LIN7A: variants seen among roughly 807,000 people sequenced by gnomAD.
LIN7A encodes the protein lin-7 cell polarity scaffold A, also known as protein lin-7 homolog A.
LIN7A carries 25 observed loss-of-function variants against 29.8 expected under a neutral mutation model. That is an observed-to-expected ratio of 0.84 (90% CI 0.61 to 1.17). LIN7A has a LOEUF of 1.17. Among genes scored for constraint, LIN7A ranks in the 50% most tolerant of loss-of-function variants. The probability of loss-of-function intolerance (pLI) is 0.00; values close to 1 mark genes in which losing one functional copy is unlikely to be tolerated. For missense variants in LIN7A, 239 were observed against 287.0 expected (o/e 0.83, Z 1.21); for synonymous variants, 118 against 107.5 (o/e 1.10, Z -0.60).
chr12:80,912,129 A>G (rs1876780437), intron 1 of LIN7A, among the ~76,000 whole-genome samples: 1 of 152,222 alleles, frequency 6.6e-6, no homozygotes, highest in African/African-American at 2.4e-5. Context: ...GGAAATTAGT[A>G]TGCTGGTTTA....
chr12:80,892,299 C>T (rs538891875), intron 1 of LIN7A, among the ~76,000 whole-genome samples: 1 of 152,218 alleles, frequency 6.6e-6, no homozygotes, highest in African/African-American at 2.4e-5. Context: ...AATGCATATT[C>T]GTTGAATGAA....
chr12:80,925,337 C>A (rs1350700506), intron 1 of LIN7A, among the ~76,000 whole-genome samples: 1 of 152,144 alleles, frequency 6.6e-6, no homozygotes, highest in African/African-American at 2.4e-5. Context: ...TTTATTTGAA[C>A]ATCCAGGTAT....
At chr12:80,893,733 T>C (rs1214340149) in intron 1 of LIN7A, among the ~76,000 whole-genome samples, 2 of 152,168 alleles carry the variant, frequency 1.3e-5, no homozygotes, top group East Asian at 3.8e-4. Flanking sequence ...CCTCGTGGCA[T>C]AGGCAATGAA....
At chr12:80,885,805 A>G (rs994728439) in intron 2 of LIN7A, among the ~76,000 whole-genome samples, 2 of 152,128 alleles carry the variant, frequency 1.3e-5, no homozygotes, top group East Asian at 1.9e-4. Context: ...TTATCAAACT[A>G]TTCTCTTCAT....
At chr12:80,836,577 T>C (rs1182371684) in intron 4 of LIN7A, among the ~76,000 whole-genome samples, 4 of 141,490 alleles carry the variant, frequency 2.8e-5, no homozygotes, top group Non-Finnish European at 6.6e-5. Context: ...GATTGCTTAG[T>C]CTGGGAGGCA....
intron 2 of LIN7A, among the ~76,000 whole-genome samples, chr12:80,859,790 G>T (rs1592902383): frequency 6.6e-6 from 1 of 152,144 alleles, no homozygotes; most frequent in East Asian, 1.9e-4. Flanking sequence ...ATATAAGCAA[G>T]AAATTAAAAT....
At chr12:80,802,641 T>A (rs1870775855) in intron 5 of LIN7A, among the ~76,000 whole-genome samples, 1 of 152,092 alleles carries the variant, frequency 6.6e-6, no homozygotes, top group African/African-American at 2.4e-5. Context: ...GTTATCTTTT[T>A]TCTTTTTTAA....
rs1870408550 is a variant in LIN7A, at chr12:80,795,619, A to AGC, written c.*2107_*2108insGC. The AGC allele has an allele frequency of 6.6e-6, 1 of 152,094 alleles. No individual in the cohort carries two copies. The highest frequency in any genetic ancestry group is 2.1e-4 in the South Asian group (1 of 4,830). The allele number at this position is 152,094 out of a possible 1,614,324, so 9.4% of individuals were successfully genotyped here. ...CATACTCACTCACCTTAAGCTCCAA[A>AGC]TTTATACAATGTATTGAAATGTGTT... On this transcript the variant is annotated 3_prime_UTR_variant, in exon 6 of 6. Coordinates refer to ENST00000552864, the MANE Select transcript of LIN7A (RefSeq NM_004664.4).
chr12:80,822,897 C>T (rs1273900491), intron 4 of LIN7A, among the ~76,000 whole-genome samples: 1 of 152,154 alleles, frequency 6.6e-6, no homozygotes, highest in Non-Finnish European at 1.5e-5. Context: ...GCCTGAAGCC[C>T]AGGGGCTGGG....
intron 1 of LIN7A, among the ~76,000 whole-genome samples, chr12:80,904,481 G>A (rs1346976048): frequency 6.6e-6 from 1 of 152,048 alleles, no homozygotes; most frequent in Non-Finnish European, 1.5e-5. Context: ...TACCATGATA[G>A]TCCCTGTTAC....
At chr12:80,880,389 C>G (rs1337117550) in intron 2 of LIN7A, among the ~76,000 whole-genome samples, 2 of 152,148 alleles carry the variant, frequency 1.3e-5, no homozygotes, top group Non-Finnish European at 2.9e-5. Context: ...CAAGTTCAGC[C>G]AAGTGCATTA....
chr12:80,819,625 G>T (rs1217950061), intron 4 of LIN7A, among the ~76,000 whole-genome samples: 1 of 152,180 alleles, frequency 6.6e-6, no homozygotes, highest in Non-Finnish European at 1.5e-5. Flanking sequence ...AGTATTGCCT[G>T]GGTTTGAATC....
At chr12:80,799,513 T>C (rs1870614708) in intron 5 of LIN7A, among the ~76,000 whole-genome samples, 1 of 152,166 alleles carries the variant, frequency 6.6e-6, no homozygotes, top group Non-Finnish European at 1.5e-5. Flanking sequence ...GAAATAACCC[T>C]GGATTATTTA....
intron 1 of LIN7A, among the ~76,000 whole-genome samples, chr12:80,891,111 T>G (rs894511211): frequency 1.3e-5 from 2 of 152,210 alleles, no homozygotes; most frequent in African/African-American, 4.8e-5. Flanking sequence ...CGGTAGATTC[T>G]ATCTTGGAAT....
intron 2 of LIN7A, among the ~76,000 whole-genome samples, chr12:80,877,776 T>G (rs1037599533): frequency 6.6e-6 from 1 of 152,174 alleles, no homozygotes; most frequent in African/African-American, 2.4e-5. Context: ...TTAACATTCA[T>G]TTTAGATGAC....
intron 4 of LIN7A, among the ~76,000 whole-genome samples, chr12:80,832,023 GT>G: frequency 6.6e-6 from 1 of 152,280 alleles, no homozygotes; most frequent in South Asian, 2.1e-4. Context: ...TACCCTGCAG[GT>G]TTTGGTTACA....
chr12:80,841,955 A>T, intron 4 of LIN7A: 1 of 1,121,018 alleles, frequency 8.9e-7, no homozygotes, highest in Non-Finnish European at 1.1e-6. Flanking sequence ...TATAAGAAGT[A>T]GCCATACACC....
chr12:80,805,293 G>T (rs11114623), intron 5 of LIN7A, among the ~76,000 whole-genome samples: 15,241 of 151,966 alleles, frequency 0.1, 807 homozygotes, highest in East Asian at 0.18. Flanking sequence ...GTGACTAGGC[G>T]GATAGTTTTC....
At chr12:80,859,979 A>C (rs1186884547) in intron 2 of LIN7A, among the ~76,000 whole-genome samples, 1 of 152,194 alleles carries the variant, frequency 6.6e-6, no homozygotes, top group African/African-American at 2.4e-5. Flanking sequence ...ATTAATGCTT[A>C]TTCTACTTAA....
Sources: allele counts gnomAD v4.1 joint callset (sites outside exome capture counted in the v4.1 genomes callset), GRCh38; gene constraint gnomAD v4.1.1; transcripts MANE v1.5; gene names NCBI Gene and HGNC (gene_info 2026-07-23, HGNC 2026-07-21).